BTD: variants seen among roughly 807,000 people sequenced by gnomAD.
BTD encodes the protein biocytinase.
Under a neutral mutation model 17.7 loss-of-function variants are expected in BTD, and 13 were observed. The observed-to-expected ratio is 0.74, with a 90% CI of 0.48 to 1.17. BTD has a LOEUF of 1.17. Among genes scored for constraint, BTD ranks in the 50% most tolerant of loss-of-function variants. BTD has a pLI of 0.00. For missense variants in BTD, 674 were observed against 650.4 expected (o/e 1.04, Z -0.39); for synonymous variants, 240 against 245.2 (o/e 0.98, Z 0.20).
downstream of BTD, among the ~76,000 whole-genome samples, chr3:15,715,048 AT>A (rs200467341): frequency 0.012 from 1,814 of 152,274 alleles, 19 homozygotes; most frequent in Middle Eastern, 0.02. Context: ...ATTTAAAAAA[AT>A]AAATACAAAT....
rs991232542 is a variant in BTD, at chr3:15,679,192, A to C, written c.400-30868A>C. 1.5e-5 allele frequency: 15 copies of C among 1,025,550 alleles called. No homozygotes were observed. The African/African-American group carries it at 2.1e-4, about 14-fold the overall frequency. The allele number at this position is 1,025,550 out of a possible 1,614,324, so 63.5% of individuals were successfully genotyped here. A position where few individuals can be genotyped will look rare whatever the true frequency, so the allele number is the denominator to read the frequency against. On this transcript the variant is annotated intron_variant, in intron 3 of 3. Coordinates refer to the BTD transcript ENST00000672141. ...GCTATGTTGACCAGGCTGGTCTTAAACTCCTGGCTTCAAGTCATCCTCCCA... is the reference window on the plus strand; with the variant it reads ...GCTATGTTGACCAGGCTGGTCTTAACCTCCTGGCTTCAAGTCATCCTCCCA...
At chr3:15,643,789 G>T (rs77677981) in intron 3 of BTD, among the ~76,000 whole-genome samples, 3,098 of 150,198 alleles carry the variant, frequency 0.021, 211 homozygotes, top group Admixed American at 0.12. Flanking sequence ...AAGTACAATG[G>T]TGCACACCTG....
At chr3:15,610,780 C>A (rs1453094868) in intron 1 of BTD, among the ~76,000 whole-genome samples, 1 of 151,916 alleles carries the variant, frequency 6.6e-6, no homozygotes, top group Non-Finnish European at 1.5e-5. Context: ...GGAAGAGGAA[C>A]CTTTAGATTA....
intron 4 of BTD, chr3:15,721,224 A>G (rs1027847077): frequency 4.1e-5 from 41 of 988,716 alleles, no homozygotes; most frequent in East Asian, 7.2e-5. Context: ...TCAAATTACT[A>G]AAGTGAGAAA....
At chr3:15,605,314 A>G (rs1370580136) in intron 1 of BTD, among the ~76,000 whole-genome samples, 3 of 152,212 alleles carry the variant, frequency 2.0e-5, no homozygotes, top group Non-Finnish European at 2.9e-5. Context: ...ACTCCCATTT[A>G]TAAAACCATC....
chr3:15,645,573 T>G lies in BTD; in HGVS notation c.*85T>G. 5 of 1,526,094 alleles carry G rather than the reference T, an allele frequency of 3.3e-6. No individual in the cohort carries two copies. Among genetic ancestry groups the G allele is most frequent in the Non-Finnish European group, 4.4e-6 (5 of 1,126,228 alleles). The allele number at this position is 1,526,094 out of a possible 1,614,324, so 94.5% of individuals were successfully genotyped here. On this transcript the variant is annotated 3_prime_UTR_variant, in exon 4 of 4. Coordinates refer to ENST00000643237, the MANE Select transcript of BTD (RefSeq NM_001370658.1). ...ACAGGCTACAAGCCCTGGGACCATC[T>G]TTCTGCCTTAAGGGCAGGAGCCCAC...
intron 3 of BTD, among the ~76,000 whole-genome samples, chr3:15,683,295 T>C (rs1345669556): frequency 1.3e-5 from 2 of 152,220 alleles, no homozygotes; most frequent in East Asian, 1.9e-4. Context: ...TTTCCCACTA[T>C]ATTAGATATT....
chr3:15,661,456 T>C (rs1177703647), intron 3 of BTD, among the ~76,000 whole-genome samples: 3 of 152,140 alleles, frequency 2.0e-5, no homozygotes, highest in Non-Finnish European at 4.4e-5. Context: ...GTATCTTCTT[T>C]GGTGAGATGC....
intron 1 of BTD, among the ~76,000 whole-genome samples, chr3:15,613,068 C>T (rs1364754125): frequency 6.6e-6 from 1 of 152,122 alleles, no homozygotes; most frequent in Non-Finnish European, 1.5e-5. Flanking sequence ...CCAGGGTAAT[C>T]TCTTTTGATT....
chr3:15,619,285 A>G (rs945788297), intron 1 of BTD, among the ~76,000 whole-genome samples: 1 of 152,206 alleles, frequency 6.6e-6, no homozygotes, highest in Non-Finnish European at 1.5e-5. Context: ...TCTATTTGAC[A>G]TCTATTTTTC....
At chr3:15,605,682 A>G (rs1356296987) in intron 1 of BTD, among the ~76,000 whole-genome samples, 1 of 152,190 alleles carries the variant, frequency 6.6e-6, no homozygotes, top group African/African-American at 2.4e-5. Context: ...ATATCTATGA[A>G]ATCACCACCC....
intron 1 of BTD, among the ~76,000 whole-genome samples, chr3:15,612,240 C>T (rs2125358178): frequency 6.6e-6 from 1 of 152,198 alleles, no homozygotes; most frequent in South Asian, 2.1e-4. Context: ...TTTTTCCATT[C>T]ACCTCTTAAT....
At chr3:15,715,251 C>A (rs929900964), downstream of BTD, among the ~76,000 whole-genome samples, 5 of 152,106 alleles carry the variant, frequency 3.3e-5, no homozygotes, top group African/African-American at 1.2e-4. Flanking sequence ...CTTTTCTTTT[C>A]TAAAATCTTT....
In BTD at chr3:15,694,537, GCAAGAAA is replaced by G. The variant is rs2069259291; in HGVS notation, c.400-15520_400-15514del. 2.7e-5 allele frequency among the ~76,000 whole-genome samples: 4 copies of G among 146,226 alleles called. No individual in the cohort carries two copies. In the East Asian group the frequency reaches 7.9e-4, roughly 29 times the overall value. The stretch of plus-strand genomic sequence containing the variant: ...TCTGTCTTTTTTTTTTTTTTCTAAA[GCAAGAAA>G]CAGAAAAAACAAAAACAAAAACCCA... On this transcript the variant is annotated intron_variant, in intron 3 of 3. Transcript: ENST00000672141.
chr3:15,623,545 A>G (rs187633660), intron 1 of BTD, among the ~76,000 whole-genome samples: 1 of 152,242 alleles, frequency 6.6e-6, no homozygotes, highest in East Asian at 1.9e-4. Context: ...ATTTTGTCAC[A>G]TGATTTTGTC....
Position 15,645,369 on chromosome 3 carries a change from AC to A in BTD, c.1456del (p.Leu486Ter), listed in dbSNP as rs1443578821. On this transcript the variant is annotated frameshift_variant, in exon 4 of 4. Transcript: ENST00000643237. LOFTEE classifies it high-confidence loss of function. Reference protein sequence around the residue: ...IFPLFLTSGMTLEVPDQLGWE... With the variant: ...IFPLFLTSGMXLEVPDQLGWE... ...TCCTTTGTTTCTGACCTCAGGGATG[AC>A]CCTAGAAGTCCCTGACCAGCTTGGC... 1 of 1,614,046 alleles carries A rather than the reference AC, an allele frequency of 6.2e-7. No individual in the cohort carries two copies. Among genetic ancestry groups the A allele is most frequent in the Admixed American group, 1.7e-5 (1 of 60,008 alleles).
downstream of BTD, among the ~76,000 whole-genome samples, chr3:15,658,101 G>A (rs2065889439): frequency 6.6e-6 from 1 of 151,720 alleles, no homozygotes; most frequent in South Asian, 2.1e-4. Flanking sequence ...CGGGGAGGTG[G>A]AGGTTGCATT....
At chr3:15,684,640 C>T (rs949954163) in intron 3 of BTD, 3 of 151,790 alleles carry the variant, frequency 2.0e-5, no homozygotes, top group Non-Finnish European at 2.9e-5. Flanking sequence ...AATCCTAGCA[C>T]TTGGGGAGTC....
chr3:15,602,041 T>C (rs2064272953), intron 1 of BTD, 147 bp downstream of exon 1: 2 of 1,480,092 alleles, frequency 1.4e-6, no homozygotes, highest in Non-Finnish European at 9.0e-7. Context: ...TTGCTGGGGC[T>C]GTTTGTGCGT....
Sources: gnomAD v4.1 joint callset for allele counts (sites outside exome capture counted in the v4.1 genomes callset) on GRCh38, gnomAD v4.1.1 for gene constraint, MANE v1.5 for transcripts, NCBI Gene and HGNC (gene_info 2026-07-23, HGNC 2026-07-21) for gene names.